Variants in CCDC85C observed in about 807,000 individuals in gnomAD.
The protein encoded by CCDC85C is coiled-coil domain containing 85C, also known as coiled-coil domain-containing protein 85C.
Under a neutral mutation model 38.3 loss-of-function variants are expected in CCDC85C, and 18 were observed. That is an observed-to-expected ratio of 0.47 (90% confidence interval 0.33 to 0.70). CCDC85C has a LOEUF of 0.70. Ranked by LOEUF, CCDC85C falls within the 30% of genes least tolerant of loss-of-function variation. The pLI, the probability that CCDC85C is intolerant of heterozygous loss-of-function variation, is 0.03. For missense variants in CCDC85C, 566 were observed against 621.2 expected (o/e 0.91, Z 0.94); for synonymous variants, 264 against 293.8 (o/e 0.90, Z 1.04).
In CCDC85C at chr14:99,603,447, C is replaced by CCCGCCG. The variant is rs760467178; in HGVS notation, c.507_512dup (p.Gly172_Gly173dup). 1.6e-6 allele frequency: 2 copies of CCCGCCG among 1,271,968 alleles called. No individual in the cohort carries two copies. Among genetic ancestry groups the CCCGCCG allele is most frequent in the Non-Finnish European group, 2.0e-6 (2 of 1,012,962 alleles). The allele number at this position is 1,271,968 out of a possible 1,614,324, so 78.8% of individuals were successfully genotyped here. A position where few individuals can be genotyped will look rare whatever the true frequency, so the allele number is the denominator to read the frequency against. On this transcript the variant is annotated inframe_insertion, in exon 1 of 6. Coordinates refer to ENST00000380243, the MANE Select transcript of CCDC85C (RefSeq NM_001144995.2). The surrounding 1 kb of genome is among the most constrained non-coding windows in gnomAD (Gnocchi z 7.5). Reference sequence around the variant, plus strand: ...TGGAGCTGCGGGAGCCGGCGCCGCCCCCGCCGCCGCCGCCACCGCTTGCGG... The same window carrying CCCGCCG: ...TGGAGCTGCGGGAGCCGGCGCCGCCCCCGCCGCCGCCGCCGCCGCCACCGCTTGCGG...
At chr14:99,527,281 G>A (rs761495255) in intron 2 of CCDC85C, among the ~76,000 whole-genome samples, 3 of 152,210 alleles carry the variant, frequency 2.0e-5, no homozygotes, top group Non-Finnish European at 2.9e-5. Context: ...CCCAGCCCAA[G>A]CCCAGGGCTG....
rs1595314325 is a variant in CCDC85C, at chr14:99,500,557, C to G, written c.*14689G>C. 1.9e-6 allele frequency: 1 copy of G among 521,060 alleles called. No homozygotes were observed. Among genetic ancestry groups the G allele is most frequent in the Non-Finnish European group, 3.4e-6 (1 of 296,440 alleles). 32.3% of individuals were successfully genotyped at this position (521,060 alleles called of 1,614,324 possible). A position where few individuals can be genotyped will look rare whatever the true frequency, so the allele number is the denominator to read the frequency against. ...TTCAGTATTTTTTTTTACATTACACCTCTGCTTTGTCTTCCTGTTTGAGAT... is the reference window on the plus strand; with the variant it reads ...TTCAGTATTTTTTTTTACATTACACGTCTGCTTTGTCTTCCTGTTTGAGAT... On this transcript the variant is annotated 3_prime_UTR_variant, in exon 6 of 6. Coordinates refer to ENST00000380243, the MANE Select transcript of CCDC85C (RefSeq NM_001144995.2).
At chr14:99,538,679 G>A (rs75734822) in intron 1 of CCDC85C, among the ~76,000 whole-genome samples, 1 of 152,354 alleles carries the variant, frequency 6.6e-6, no homozygotes, top group African/African-American at 2.4e-5. Context: ...GGAGGGATGG[G>A]CTGGAACCCA....
In CCDC85C at chr14:99,506,174, G is replaced by A. The variant is rs1896970828; in HGVS notation, c.*9072C>T. ...GAGGAAGAGGGTGAAGAGAGAGGAA[G>A]TCCCTGGAACTTAAATTGAGCCTGT... On this transcript the variant is annotated 3_prime_UTR_variant, in exon 6 of 6. Coordinates refer to ENST00000380243, the MANE Select transcript of CCDC85C (RefSeq NM_001144995.2). The A allele has an allele frequency of 6.6e-6, 1 of 152,252 alleles. No individual in the cohort carries two copies. Among genetic ancestry groups the A allele is most frequent in the South Asian group, 2.1e-4 (1 of 4,832 alleles). The allele number at this position is 152,252 out of a possible 1,614,324, so 9.4% of individuals were successfully genotyped here. A position where few individuals can be genotyped will look rare whatever the true frequency, so the allele number is the denominator to read the frequency against.
chr14:99,563,123 A>G (rs886652406), intron 1 of CCDC85C, among the ~76,000 whole-genome samples: 27 of 152,244 alleles, frequency 1.8e-4, no homozygotes, highest in African/African-American at 6.0e-4. Flanking sequence ...TCCAAGCTGA[A>G]GATTCTGGAA....
Position 99,535,735 on chromosome 14 carries a change from A to G in CCDC85C, c.867+280T>C, listed in dbSNP as rs577048876. Among the ~76,000 whole-genome samples, 82 of 152,084 alleles carry G rather than the reference A, an allele frequency of 5.4e-4. No individual in the cohort carries two copies. Among genetic ancestry groups the G allele is most frequent in the Non-Finnish European group, 9.7e-4 (66 of 67,988 alleles). On this transcript the variant is annotated intron_variant, in intron 2 of 5. Transcript: ENST00000380243. This position sits in a 1 kb window ranked among gnomAD's most constrained non-coding sequence, Gnocchi z 5.5. Reference sequence around the variant, plus strand: ...ATCTGCCAGAGGAGTGAAGCAGCCCATTTCTTCATCAACTGGGTGTTGTCC... The same window carrying G: ...ATCTGCCAGAGGAGTGAAGCAGCCCGTTTCTTCATCAACTGGGTGTTGTCC...
chr14:99,509,724 GACTA>G lies in CCDC85C; in HGVS notation c.*5518_*5521del. 5.1e-6 allele frequency: 1 copy of G among 195,018 alleles called. No homozygotes were observed. The highest frequency in any genetic ancestry group is 1.2e-4 in the South Asian group (1 of 8,196). The allele number at this position is 195,018 out of a possible 1,614,324, so 12.1% of individuals were successfully genotyped here. On this transcript the variant is annotated 3_prime_UTR_variant, in exon 6 of 6. Coordinates refer to ENST00000380243, the MANE Select transcript of CCDC85C (RefSeq NM_001144995.2). ...GTTTTAAGTGCCATCACATTCATTT[GACTA>G]ACTCTGAGGTTTTCTGCAAAATGCC... is the stretch of plus-strand genomic sequence containing the variant.
rs936863375 is a variant in CCDC85C, at chr14:99,548,237, G to A, written c.794-12149C>T. Among the ~76,000 whole-genome samples the A allele has an allele frequency of 6.6e-6, 1 of 152,066 alleles. No individual in the cohort carries two copies. Among genetic ancestry groups the A allele is most frequent in the Non-Finnish European group, 1.5e-5 (1 of 68,020 alleles). On this transcript the variant is annotated intron_variant, in intron 1 of 5. Coordinates refer to ENST00000380243, the MANE Select transcript of CCDC85C (RefSeq NM_001144995.2). This position sits in a 1 kb window ranked among gnomAD's most constrained non-coding sequence, Gnocchi z 4.9. ...CATCAATAAGGAAATACATGGGAAG[G>A]GGCAGAGGTATAGGAAGAGGAGAGC...
rs776195809 is a variant in CCDC85C, at chr14:99,603,717, G to A, written c.243C>T (p.Asn81=). The A allele has an allele frequency of 1.3e-5, 20 of 1,518,188 alleles. No homozygotes were observed. The highest frequency in any genetic ancestry group is 9.8e-5 in the South Asian group (8 of 81,730). 94.0% of individuals were successfully genotyped at this position (1,518,188 alleles called of 1,614,324 possible). ...KDVNQRLQDD[N]QELRELCCFL... ...AGCAGCAGAGCTCGCGCAGCTCCTG[G>A]TTGTCGTCCTGCAGCCGCTGGTTCA... Residue 81 remains asparagine (N), a synonymous_variant, in exon 1 of 6, where the codon AAC becomes AAT. Coordinates refer to ENST00000380243, the MANE Select transcript of CCDC85C (RefSeq NM_001144995.2). This position sits in a 1 kb window ranked among gnomAD's most constrained non-coding sequence, Gnocchi z 7.5.
At chr14:99,591,212 A>G (rs2055082409) in intron 1 of CCDC85C, among the ~76,000 whole-genome samples, 1 of 152,330 alleles carries the variant, frequency 6.6e-6, no homozygotes, top group African/African-American at 2.4e-5. Context: ...TTGCGGCCTC[A>G]TTTCGAGAAC....
chr14:99,510,958 G>A lies in CCDC85C; in HGVS notation c.*4288C>T, dbSNP rs956299340. ...GTGGTCCTCACACCTAGAGGACGGG[G>A]ACAACCAGCTTTCAGAGTAGCCTCA... On this transcript the variant is annotated 3_prime_UTR_variant, in exon 6 of 6. Coordinates refer to ENST00000380243, the MANE Select transcript of CCDC85C (RefSeq NM_001144995.2). The A allele has an allele frequency of 1.5e-5, 7 of 473,288 alleles. No individual in the cohort carries two copies. Among genetic ancestry groups the A allele is most frequent in the African/African-American group, 1.4e-4 (7 of 49,606 alleles). The allele number at this position is 473,288 out of a possible 1,614,324, so 29.3% of individuals were successfully genotyped here. A position where few individuals can be genotyped will look rare whatever the true frequency, so the allele number is the denominator to read the frequency against.
chr14:99,531,450 A>G (rs1897491436), intron 2 of CCDC85C, among the ~76,000 whole-genome samples: 1 of 152,140 alleles, frequency 6.6e-6, no homozygotes, highest in African/African-American at 2.4e-5. Flanking sequence ...ATCGTGGAGG[A>G]AGCAGCTGTG....
Position 99,511,286 on chromosome 14 carries a change from A to G in CCDC85C, c.*3960T>C, listed in dbSNP as rs1897124719. ...ATTTATAGATGTTTGCATCCTTTGT[A>G]TTAAAATTATTTTGAAGGGGTTGCC... On this transcript the variant is annotated 3_prime_UTR_variant, in exon 6 of 6. Coordinates refer to ENST00000380243, the MANE Select transcript of CCDC85C (RefSeq NM_001144995.2). The G allele has an allele frequency of 6.6e-6, 1 of 151,760 alleles. No individual in the cohort carries two copies. The highest frequency in any genetic ancestry group is 2.4e-5 in the African/African-American group (1 of 41,312). The allele number at this position is 151,760 out of a possible 1,614,324, so 9.4% of individuals were successfully genotyped here.
chr14:99,553,202 G>A (rs904996816), intron 1 of CCDC85C, among the ~76,000 whole-genome samples: 4 of 152,182 alleles, frequency 2.6e-5, no homozygotes, highest in African/African-American at 9.7e-5. Context: ...GCCGCCGAGA[G>A]GATGCTGGAT....
Position 99,502,549 on chromosome 14 carries a change from T to C in CCDC85C, c.*12697A>G, listed in dbSNP as rs1326265393. 6 of 1,278,082 alleles carry C rather than the reference T, an allele frequency of 4.7e-6. No individual in the cohort carries two copies. Among genetic ancestry groups the C allele is most frequent in the Middle Eastern group, 2.4e-4 (1 of 4,100 alleles). The allele number at this position is 1,278,082 out of a possible 1,614,324, so 79.2% of individuals were successfully genotyped here. ...TTCCACTTTGTCCAAACACATACTT[T>C]TGGTAAACTAAAAATACACACCAGT... is the stretch of plus-strand genomic sequence containing the variant. On this transcript the variant is annotated 3_prime_UTR_variant, in exon 6 of 6. Transcript: ENST00000380243.
Position 99,502,057 on chromosome 14 carries a change from G to A in CCDC85C, c.*13189C>T, listed in dbSNP as rs1896843112. ...AACTTAGTCGGGTACCTTTAGAAGAGTAAAGACTTGAGTTTATTTATTTAT... is the reference window on the plus strand; with the variant it reads ...AACTTAGTCGGGTACCTTTAGAAGAATAAAGACTTGAGTTTATTTATTTAT... On this transcript the variant is annotated 3_prime_UTR_variant, in exon 6 of 6. Transcript: ENST00000380243. 5 of 837,816 alleles carry A rather than the reference G, an allele frequency of 6.0e-6. No homozygotes were observed. Among genetic ancestry groups the A allele is most frequent in the Non-Finnish European group, 8.4e-6 (5 of 594,042 alleles). 51.9% of individuals were successfully genotyped at this position (837,816 alleles called of 1,614,324 possible).
intron 1 of CCDC85C, chr14:99,579,950 T>G: frequency 2.4e-6 from 1 of 411,614 alleles, no homozygotes; most frequent in Admixed American, 2.6e-5. Flanking sequence ...ACTTTGGGAG[T>G]CTTGGCCAGG....
At chr14:99,543,754 C>G (rs760101858) in intron 1 of CCDC85C, among the ~76,000 whole-genome samples, 8 of 152,122 alleles carry the variant, frequency 5.3e-5, no homozygotes, top group Non-Finnish European at 8.8e-5. Context: ...ACACCAGCTC[C>G]TGGAAGGGAT....
intron 1 of CCDC85C, among the ~76,000 whole-genome samples, chr14:99,573,997 C>T (rs1035849848): frequency 1.3e-5 from 2 of 152,204 alleles, no homozygotes; most frequent in African/African-American, 4.8e-5. Context: ...CAGGGACAGC[C>T]GTGTTCATGA....
Sources: allele counts gnomAD v4.1 joint callset (sites outside exome capture counted in the v4.1 genomes callset), GRCh38; gene constraint gnomAD v4.1.1; non-coding constraint Gnocchi (gnomAD v3.1); transcripts MANE v1.5; gene names NCBI Gene and HGNC (gene_info 2026-07-23, HGNC 2026-07-21).